The following ARHGAP32 variants were observed in gnomAD, a reference collection of about 807,000 sequenced individuals.
ARHGAP32 encodes rho GTPase-activating protein 32.
ARHGAP32 carries 51 observed loss-of-function variants against 186.5 expected under a neutral mutation model. The ratio of observed to expected loss-of-function variants is 0.27; its 90% CI spans 0.22 to 0.35. The LOEUF (loss-of-function observed/expected upper bound fraction) is 0.35. Ranked by LOEUF, ARHGAP32 falls within the 10% of genes least tolerant of loss-of-function variation. The pLI, the probability that ARHGAP32 is intolerant of heterozygous loss-of-function variation, is 1.00. For missense variants in ARHGAP32, 2,186 were observed against 2,623.5 expected, an observed-to-expected ratio of 0.83 and a Z score of 3.64; for synonymous variants, 950 against 964.3, an observed-to-expected ratio of 0.99 and a Z score of 0.27.
At chr11:129,125,892 C>A in intron 2 of ARHGAP32, 1 of 444,734 alleles carries the variant, frequency 2.2e-6, no homozygotes, top group Admixed American at 2.4e-5. Flanking sequence ...TAGAGGTCTC[C>A]CAAAGAAAAC....
intron 6 of ARHGAP32, among the ~76,000 whole-genome samples, chr11:129,081,411 C>A (rs1195959551): frequency 6.6e-6 from 1 of 151,954 alleles, no homozygotes; most frequent in Non-Finnish European, 1.5e-5. Flanking sequence ...AGATATTACA[C>A]CATGATCAAG....
chr11:129,086,690 G>A (rs985331442), intron 6 of ARHGAP32, among the ~76,000 whole-genome samples: 2 of 151,938 alleles, frequency 1.3e-5, no homozygotes, highest in Admixed American at 6.6e-5. Flanking sequence ...GCGTGGTGGT[G>A]GGCGCCTGTA....
In ARHGAP32 at chr11:129,216,669, TAAA is replaced by T. The variant is rs201308944; in HGVS notation, c.-4-52245_-4-52243del. Among the ~76,000 whole-genome samples the T allele has an allele frequency of 1.8e-4, 21 of 119,082 alleles. 1 individual carries two copies. The highest frequency in any genetic ancestry group is 5.1e-3 in the Middle Eastern group (1 of 198). 78.1% of individuals were successfully genotyped at this position (119,082 alleles called of 152,430 possible). ...CTGGGCGACAGAGTGAGACTGTCTT[TAAA>T]AAAAAAAAAAAAAAAAAAAAAGACA... On this transcript the variant is annotated intron_variant, in intron 1 of 6. Coordinates refer to the ARHGAP32 transcript ENST00000525234.
At chr11:128,987,929 T>C (rs1037589615) in intron 13 of ARHGAP32, 94 bp downstream of exon 13, 2 of 809,842 alleles carry the variant, frequency 2.5e-6, no homozygotes, top group African/African-American at 3.5e-5. Context: ...TTATCTTTAA[T>C]GAAAATAGGT....
chr11:129,017,275 G>A (rs1016029159), intron 11 of ARHGAP32, among the ~76,000 whole-genome samples: 5 of 152,068 alleles, frequency 3.3e-5, no homozygotes, highest in South Asian at 4.2e-4. Flanking sequence ...CCAACATGGC[G>A]AAAACCTGTC....
At chr11:129,066,230 C>T (rs1940684148) in intron 7 of ARHGAP32, among the ~76,000 whole-genome samples, 2 of 152,034 alleles carry the variant, frequency 1.3e-5, no homozygotes, top group Non-Finnish European at 2.9e-5. Context: ...AAACCTTATC[C>T]CATCTACTTT....
intron 1 of ARHGAP32, among the ~76,000 whole-genome samples, chr11:129,277,149 C>A (rs912785918): frequency 3.3e-5 from 5 of 152,008 alleles, no homozygotes; most frequent in African/African-American, 4.8e-5. Context: ...AGATAATATA[C>A]TCAGGTCAGC....
chr11:129,153,808 T>C (rs1370045469), intron 2 of ARHGAP32, among the ~76,000 whole-genome samples: 1 of 152,090 alleles, frequency 6.6e-6, no homozygotes, highest in East Asian at 1.9e-4. Flanking sequence ...AAAACTCTTC[T>C]AGACATTGGC....
At chr11:129,010,643 C>T (rs1938036028) in intron 11 of ARHGAP32, among the ~76,000 whole-genome samples, 1 of 152,022 alleles carries the variant, frequency 6.6e-6, no homozygotes, top group Non-Finnish European at 1.5e-5. Flanking sequence ...TCTGGGAAAA[C>T]AATTTCTTAA....
chr11:128,997,647 C>A (rs555278158), intron 12 of ARHGAP32, among the ~76,000 whole-genome samples: 9 of 152,208 alleles, frequency 5.9e-5, no homozygotes, highest in African/African-American at 2.2e-4. Context: ...TCCATCCCCC[C>A]ATCCAACAAC....
At chr11:128,983,503 G>A (rs892924562) in intron 15 of ARHGAP32, among the ~76,000 whole-genome samples, 6 of 151,854 alleles carry the variant, frequency 4.0e-5, no homozygotes, top group Admixed American at 1.3e-4. Flanking sequence ...GTGGGGTGGG[G>A]GGAAGGGGGA....
At chr11:129,165,127 G>A (rs573231545) in intron 1 of ARHGAP32, among the ~76,000 whole-genome samples, 1 of 152,230 alleles carries the variant, frequency 6.6e-6, no homozygotes, top group African/African-American at 2.4e-5. Flanking sequence ...TACCAAAGTA[G>A]GGAGGAATTC....
intron 11 of ARHGAP32, among the ~76,000 whole-genome samples, chr11:129,033,718 A>G (rs1306431839): frequency 6.6e-6 from 1 of 152,192 alleles, no homozygotes. Flanking sequence ...TCTTTCACAT[A>G]CAGATTTGTA....
At chr11:129,004,688 CCTG>C (rs1163703700) in intron 11 of ARHGAP32, among the ~76,000 whole-genome samples, 5 of 152,012 alleles carry the variant, frequency 3.3e-5, no homozygotes, top group African/African-American at 9.7e-5. Flanking sequence ...TATAGCTACT[CCTG>C]CTCTTTTTTG....
intron 11 of ARHGAP32, among the ~76,000 whole-genome samples, chr11:129,025,232 A>G (rs1413744431): frequency 1.3e-5 from 2 of 152,196 alleles, no homozygotes; most frequent in African/African-American, 4.8e-5. Context: ...CCAAGGTCCC[A>G]TAACAGTAAC....
chr11:129,139,624 G>A (rs913921802), intron 2 of ARHGAP32, among the ~76,000 whole-genome samples: 2 of 152,038 alleles, frequency 1.3e-5, no homozygotes, highest in African/African-American at 4.8e-5. Context: ...AGTCTCACGA[G>A]ATCTGACAGT....
intron 10 of ARHGAP32, among the ~76,000 whole-genome samples, chr11:129,047,124 C>T (rs1345643611): frequency 5.5e-5 from 7 of 126,382 alleles, no homozygotes; most frequent in East Asian, 4.5e-4. Context: ...TGAAAGACTC[C>T]GTCTCAAAAA....
At chr11:129,105,494 A>T (rs530323363) in intron 5 of ARHGAP32, among the ~76,000 whole-genome samples, 1 of 151,992 alleles carries the variant, frequency 6.6e-6, no homozygotes, top group Non-Finnish European at 1.5e-5. Context: ...TTTATTTTTC[A>T]CTCCTGGCAT....
At chr11:129,003,201 T>C (rs1478361930) in intron 11 of ARHGAP32, among the ~76,000 whole-genome samples, 1 of 152,252 alleles carries the variant, frequency 6.6e-6, no homozygotes, top group Admixed American at 6.5e-5. Context: ...TATTGATTTA[T>C]GTATGTTGAA....
Sources: gnomAD v4.1 joint callset for allele counts (sites outside exome capture counted in the v4.1 genomes callset) on GRCh38, gnomAD v4.1.1 for gene constraint, MANE v1.5 for transcripts, NCBI Gene and HGNC (gene_info 2026-07-23, HGNC 2026-07-21) for gene names.